SORCS1: variants seen among roughly 807,000 people sequenced by gnomAD.
SORCS1 encodes VPS10 domain-containing receptor SorCS1.
A neutral mutation model predicts 146.1 loss-of-function variants in SORCS1; 60 were observed. The ratio of observed to expected loss-of-function variants is 0.41; its 90% CI spans 0.33 to 0.51. SORCS1 has a LOEUF of 0.51. Among genes scored for constraint, SORCS1 ranks in the 20% least tolerant of loss-of-function variants. The pLI, the probability that SORCS1 is intolerant of heterozygous loss-of-function variation, is 0.21. For synonymous variants in SORCS1, 637 were observed against 584.0 expected, an observed-to-expected ratio of 1.09 and a Z score of -1.31; for missense variants, 1,352 against 1,487.6, an observed-to-expected ratio of 0.91 and a Z score of 1.50.
intron 2 of SORCS1, among the ~76,000 whole-genome samples, chr10:106,832,180 G>A (rs1208020480): frequency 2.5e-5 from 3 of 119,524 alleles, no homozygotes; most frequent in African/African-American, 9.5e-5. Flanking sequence ...CTTTGTTTTC[G>A]CTTTTTTTTT....
intron 18 of SORCS1, among the ~76,000 whole-genome samples, chr10:106,643,705 C>T (rs1289162286): frequency 6.6e-6 from 1 of 152,204 alleles, no homozygotes; most frequent in African/African-American, 2.4e-5. Flanking sequence ...ATTCACATAT[C>T]TTCGAACCAG....
chr10:106,936,676 T>C (rs535376650), intron 2 of SORCS1, among the ~76,000 whole-genome samples: 16 of 152,330 alleles, frequency 1.1e-4, no homozygotes, highest in African/African-American at 3.8e-4. Context: ...CCTCCAAAGA[T>C]CAGGTATGGC....
At chr10:106,730,020 T>C (rs1589754776) in intron 6 of SORCS1, 30 bp downstream of exon 6, 3 of 1,609,716 alleles carry the variant, frequency 1.9e-6, no homozygotes, top group Non-Finnish European at 1.7e-6. Context: ...AATATTACTA[T>C]GAGTATTGCG....
chr10:106,889,761 G>A (rs770594277), intron 2 of SORCS1, among the ~76,000 whole-genome samples: 1 of 151,652 alleles, frequency 6.6e-6, no homozygotes, highest in Non-Finnish European at 1.5e-5. Context: ...TTGGTCGGGC[G>A]GTAGTCCCAG....
intron 2 of SORCS1, among the ~76,000 whole-genome samples, chr10:106,935,639 G>A (rs1380969224): frequency 2.0e-5 from 3 of 152,196 alleles, no homozygotes; most frequent in African/African-American, 7.2e-5. Flanking sequence ...TTAGAGCTAG[G>A]TTGAAAATCA....
chr10:106,590,365 T>G (rs1845527772), intron 24 of SORCS1, among the ~76,000 whole-genome samples: 1 of 152,168 alleles, frequency 6.6e-6, no homozygotes, highest in Admixed American at 6.5e-5. Flanking sequence ...GGGCCCTCAC[T>G]CATCTCATAT....
At chr10:107,110,677 G>A (rs1461980003) in intron 1 of SORCS1, among the ~76,000 whole-genome samples, 1 of 145,230 alleles carries the variant, frequency 6.9e-6, no homozygotes, top group Non-Finnish European at 1.5e-5. Context: ...TGAGATTTCA[G>A]TGGTGACAAA....
chr10:107,059,775 G>A (rs539451963), intron 1 of SORCS1, among the ~76,000 whole-genome samples: 44 of 152,110 alleles, frequency 2.9e-4, no homozygotes, highest in Non-Finnish European at 4.9e-4. Flanking sequence ...TCAGAAGTCC[G>A]TCTGGCACAT....
At chr10:106,675,026 C>A (rs199970889) in intron 14 of SORCS1, 23 bp downstream of exon 14, 471 of 1,556,320 alleles carry the variant, frequency 3.0e-4, no homozygotes, top group Non-Finnish European at 3.8e-4. Context: ...GAAGGCTGGA[C>A]CACATCATAC....
rs572295853 is a variant in SORCS1, at chr10:106,750,728, C to CAAAAAAAAAAAAAAAAAAAAAAA, written c.959+10837_959+10859dup. Among the ~76,000 whole-genome samples, 6 of 24,026 alleles carry CAAAAAAAAAAAAAAAAAAAAAAA rather than the reference C, an allele frequency of 2.5e-4. 1 individual carries two copies. Among genetic ancestry groups the CAAAAAAAAAAAAAAAAAAAAAAA allele is most frequent in the Non-Finnish European group, 3.7e-4 (5 of 13,670 alleles). The allele number at this position is 24,026 out of a possible 152,430, so 15.8% of individuals were successfully genotyped here. A position where few individuals can be genotyped will look rare whatever the true frequency, so the allele number is the denominator to read the frequency against. On this transcript the variant is annotated intron_variant, in intron 5 of 25. Transcript: ENST00000263054. The stretch of plus-strand genomic sequence containing the variant: ...TGGGCGACAGGGTGAGACTCCCTCT[C>CAAAAAAAAAAAAAAAAAAAAAAA]AAAAAAAAAAAAAAAAAAAAAAAAA...
chr10:106,619,916 T>C (rs1179247998), intron 20 of SORCS1, among the ~76,000 whole-genome samples: 3 of 152,136 alleles, frequency 2.0e-5, no homozygotes, highest in South Asian at 2.1e-4. Context: ...AAGAAGGCCA[T>C]TGGGGGTGGG....
intron 23 of SORCS1, among the ~76,000 whole-genome samples, chr10:106,605,208 A>C (rs1480236157): frequency 6.6e-6 from 1 of 152,274 alleles, no homozygotes; most frequent in Admixed American, 6.5e-5. Flanking sequence ...CCTTTGCAGG[A>C]AACACCCAGA....
At chr10:106,948,697 C>G (rs1199501553) in intron 2 of SORCS1, among the ~76,000 whole-genome samples, 1 of 151,810 alleles carries the variant, frequency 6.6e-6, no homozygotes, top group Non-Finnish European at 1.5e-5. Context: ...CAGTGCCTCA[C>G]GCCTGTAATC....
At chr10:106,988,152 T>C (rs1414268791) in intron 1 of SORCS1, among the ~76,000 whole-genome samples, 3 of 152,198 alleles carry the variant, frequency 2.0e-5, no homozygotes, top group African/African-American at 7.2e-5. Context: ...AAGGCAGACG[T>C]TGATCGCTAG....
chr10:106,833,755 G>A (rs923993957), intron 2 of SORCS1, among the ~76,000 whole-genome samples: 20 of 151,952 alleles, frequency 1.3e-4, no homozygotes, highest in Admixed American at 1.1e-3. Context: ...GGTTGGCACT[G>A]CATCATGGAA....
At chr10:107,071,593 A>T (rs1340350080) in intron 1 of SORCS1, among the ~76,000 whole-genome samples, 1 of 152,204 alleles carries the variant, frequency 6.6e-6, no homozygotes, top group Non-Finnish European at 1.5e-5. Flanking sequence ...CACTGGGCGC[A>T]CCACATCCCT....
intron 3 of SORCS1, among the ~76,000 whole-genome samples, chr10:106,816,161 G>A (rs2136862643): frequency 6.6e-6 from 1 of 152,290 alleles, no homozygotes; most frequent in Middle Eastern, 3.4e-3. Context: ...AAATAGAAGA[G>A]TGAAAAAAGT....
intron 19 of SORCS1, among the ~76,000 whole-genome samples, chr10:106,623,146 G>C (rs962211473): frequency 6.6e-6 from 1 of 151,764 alleles, no homozygotes; most frequent in African/African-American, 2.4e-5. Flanking sequence ...CCCTCAATCT[G>C]CGTTAAATGA....
intron 8 of SORCS1, among the ~76,000 whole-genome samples, chr10:106,705,718 C>T (rs996507048): frequency 1.3e-5 from 2 of 152,146 alleles, no homozygotes; most frequent in African/African-American, 4.8e-5. Flanking sequence ...GCAGCAAGAT[C>T]GCAAATACAC....
Sources: gnomAD v4.1 joint callset for allele counts (sites outside exome capture counted in the v4.1 genomes callset) on GRCh38, gnomAD v4.1.1 for gene constraint, MANE v1.5 for transcripts, NCBI Gene and HGNC (gene_info 2026-07-23, HGNC 2026-07-21) for gene names.